Variants in SLCO2B1 observed in about 807,000 individuals in gnomAD.
The protein encoded by SLCO2B1 is solute carrier organic anion transporter family member 2B1.
SLCO2B1 carries 41 observed loss-of-function variants against 67.3 expected under a neutral mutation model. The ratio of observed to expected loss-of-function variants is 0.61; its 90% CI spans 0.47 to 0.79. SLCO2B1 has a LOEUF of 0.79. Ranked by LOEUF, SLCO2B1 falls within the 30% of genes least tolerant of loss-of-function variation. The pLI, the probability that SLCO2B1 is intolerant of heterozygous loss-of-function variation, is 0.00. For synonymous variants in SLCO2B1, 379 were observed against 381.4 expected (o/e 0.99, Z 0.07); for missense variants, 837 against 920.1 (o/e 0.91, Z 1.17).
At chr11:75,198,426 T>G (rs1747900306) in intron 10 of SLCO2B1, among the ~76,000 whole-genome samples, 1 of 152,226 alleles carries the variant, frequency 6.6e-6, no homozygotes, top group African/African-American at 2.4e-5. Context: ...CATAACGTTA[T>G]CCATGAAAGC....
intron 6 of SLCO2B1, among the ~76,000 whole-genome samples, chr11:75,170,704 A>T (rs1163964644): frequency 6.6e-6 from 1 of 152,152 alleles, no homozygotes; most frequent in Admixed American, 6.5e-5. Flanking sequence ...AACAGCAGCC[A>T]CCAGGGACAG....
chr11:75,200,117 C>A (rs1945159824), intron 10 of SLCO2B1, 107 bp from the exon 11 acceptor site: 1 of 1,212,502 alleles, frequency 8.2e-7, no homozygotes, highest in South Asian at 1.5e-5. Context: ...TCTACCCCAA[C>A]TGGCTGTGGA....
At position 75,169,144 on chromosome 11, in the gene SLCO2B1, TATA is replaced by T. The variant is rs755158805; in HGVS notation, c.449-25_449-23del. 5.1e-6 allele frequency: 8 copies of T among 1,568,068 alleles called. No individual in the cohort carries two copies. In the African/African-American group the frequency reaches 8.1e-5, roughly 16 times the overall value. On this transcript the variant is annotated intron_variant, in intron 4 of 13. Transcript: ENST00000289575. ...GCGCTATTTAAGTCTTAGCTATTGTTATAATATTTTTTCATTGTCGTCTCTCAG... is the reference window on the plus strand; with the variant it reads ...GCGCTATTTAAGTCTTAGCTATTGTTATATTTTTTCATTGTCGTCTCTCAG...
At chr11:75,164,230 A>G (rs1253178791) in intron 3 of SLCO2B1, 130 bp downstream of exon 3, 2 of 1,004,206 alleles carry the variant, frequency 2.0e-6, no homozygotes, top group African/African-American at 3.3e-5. Flanking sequence ...CCCCTGTCCC[A>G]GCGCCTGCCT....
At chr11:75,169,054 G>A (rs1565536660) in intron 4 of SLCO2B1, 119 bp from the exon 5 acceptor site, 2 of 803,926 alleles carry the variant, frequency 2.5e-6, no homozygotes, top group Non-Finnish European at 3.8e-6. Flanking sequence ...CACCCTTGAG[G>A]TTTGTTGTGG....
chr11:75,173,326 G>A (rs1299167229), intron 7 of SLCO2B1, among the ~76,000 whole-genome samples: 1 of 152,232 alleles, frequency 6.6e-6, no homozygotes, highest in Non-Finnish European at 1.5e-5. Flanking sequence ...AGAAAGGAGA[G>A]AGCAACAGAG....
intron 10 of SLCO2B1, chr11:75,199,572 CT>C (rs1248502387): frequency 6.6e-6 from 1 of 152,314 alleles, no homozygotes; most frequent in Non-Finnish European, 1.5e-5. Flanking sequence ...GCTGCCAGGG[CT>C]GGAGGTGAGA....
chr11:75,200,193 T>C, intron 10 of SLCO2B1, 31 bp from the exon 11 acceptor site: 1 of 1,586,986 alleles, frequency 6.3e-7, no homozygotes, highest in Non-Finnish European at 8.6e-7. Context: ...TTGGAGGCTC[T>C]TGAAGTCTCT....
At chr11:75,162,894 C>A in intron 2 of SLCO2B1, 109 bp downstream of exon 2, 1 of 1,308,864 alleles carries the variant, frequency 7.6e-7, no homozygotes, top group Non-Finnish European at 1.1e-6. Context: ...GTTTCCTCAT[C>A]TATAGAATGT....
At chr11:75,154,082 C>A (rs1010835624) in intron 1 of SLCO2B1, among the ~76,000 whole-genome samples, 2 of 151,646 alleles carry the variant, frequency 1.3e-5, no homozygotes, top group African/African-American at 4.8e-5. Flanking sequence ...CTCACCACCA[C>A]GCCCAGCTAA....
In SLCO2B1 at chr11:75,196,616, C is replaced by T; in HGVS notation, c.1536C>T (p.Tyr512=). The change falls in exon 10 of 14, where the codon TAC becomes TAT. Residue 512 remains tyrosine, a synonymous_variant. Transcript: ENST00000289575. The part of the protein sequence containing the change: ...PVCDPSTRVE[Y]ITPCHAGCSS... ...GCGACCCCAGCACTCGTGTGGAATA[C>T]ATCACACCCTGCCACGCAGGCTGCT... is the stretch of plus-strand genomic sequence containing the variant. The T allele has an allele frequency of 6.2e-7, 1 of 1,614,072 alleles. No individual in the cohort carries two copies. Among genetic ancestry groups the T allele is most frequent in the Non-Finnish European group, 8.5e-7 (1 of 1,180,026 alleles).
intron 4 of SLCO2B1, among the ~76,000 whole-genome samples, chr11:75,168,598 G>C (rs934214036): frequency 1.9e-4 from 29 of 152,180 alleles, no homozygotes; most frequent in African/African-American, 7.0e-4. Flanking sequence ...TGAATGCCAA[G>C]GGCCCCAGGG....
intron 7 of SLCO2B1, among the ~76,000 whole-genome samples, chr11:75,178,459 T>A (rs1006534782): frequency 3.9e-5 from 6 of 152,248 alleles, no homozygotes; most frequent in African/African-American, 1.4e-4. Flanking sequence ...ACTTGTATGC[T>A]TTTCCTTTTT....
chr11:75,165,655 G>A lies in SLCO2B1; in HGVS notation c.286-132G>A, dbSNP rs947152571. The A allele has an allele frequency of 2.8e-6, 3 of 1,072,862 alleles. No individual in the cohort carries two copies. The African/African-American group carries it at 4.7e-5, about 17-fold the overall frequency. The allele number at this position is 1,072,862 out of a possible 1,614,324, so 66.5% of individuals were successfully genotyped here. ...GCCCTTCCGAGGGGGACCCAGGAGAGGGACCCAGATGATTTTTATTCAGTC... is the reference window on the plus strand; with the variant it reads ...GCCCTTCCGAGGGGGACCCAGGAGAAGGACCCAGATGATTTTTATTCAGTC... On this transcript the variant is annotated intron_variant, in intron 3 of 13. Transcript: ENST00000289575.
intron 3 of SLCO2B1, among the ~76,000 whole-genome samples, chr11:75,165,520 C>T (rs572428713): frequency 1.3e-5 from 2 of 152,160 alleles, no homozygotes; most frequent in Non-Finnish European, 2.9e-5. Context: ...ATTTGATGGC[C>T]CATCCTTCCC....
chr11:75,203,569 A>T (rs906732398), intron 13 of SLCO2B1, 142 bp downstream of exon 13: 2 of 1,052,546 alleles, frequency 1.9e-6, no homozygotes, highest in African/African-American at 3.2e-5. Context: ...TGCTGAGCTC[A>T]CCAGTCCTTC....
chr11:75,179,057 A>C lies in SLCO2B1; in HGVS notation c.972+6488A>C, dbSNP rs529401776. ...TGAATCCGTATCTTGGCTACTGTGA[A>C]TGGTGCTGCAATAAGCGTGAGAGTG... On this transcript the variant is annotated intron_variant, in intron 7 of 13. Coordinates refer to ENST00000289575, the MANE Select transcript of SLCO2B1 (RefSeq NM_007256.5). 2.6e-5 allele frequency among the ~76,000 whole-genome samples: 4 copies of C among 152,200 alleles called. No homozygotes were observed. In the South Asian group the frequency reaches 8.3e-4, roughly 32 times the overall value.
chr11:75,158,266 A>G (rs1335408492), intron 1 of SLCO2B1, among the ~76,000 whole-genome samples: 6 of 152,076 alleles, frequency 3.9e-5, no homozygotes, highest in Non-Finnish European at 8.8e-5. Context: ...AGTACAGATG[A>G]GGTTTCACCA....
intron 1 of SLCO2B1, among the ~76,000 whole-genome samples, chr11:75,154,503 A>AAACAAC (rs888154598): frequency 3.9e-5 from 6 of 152,034 alleles, no homozygotes; most frequent in African/African-American, 9.7e-5. Context: ...TCCATCTCAA[A>AAACAAC]AACAACAACA....
Sources: gnomAD v4.1 joint callset for allele counts (sites outside exome capture counted in the v4.1 genomes callset) on GRCh38, gnomAD v4.1.1 for gene constraint, MANE v1.5 for transcripts, NCBI Gene and HGNC (gene_info 2026-07-23, HGNC 2026-07-21) for gene names.